LPO: variants seen among roughly 807,000 people sequenced by gnomAD.
LPO encodes the protein lactoperoxidase.
A neutral mutation model predicts 68.4 loss-of-function variants in LPO; 70 were observed. The ratio of observed to expected loss-of-function variants is 1.02; its 90% CI spans 0.84 to 1.25. The LOEUF (loss-of-function observed/expected upper bound fraction) is 1.25. LPO is among the 50% of genes most tolerant of loss of function. The pLI is 0.00. For missense variants in LPO, 873 were observed against 908.4 expected (o/e 0.96, Z 0.50); for synonymous variants, 360 against 357.6 (o/e 1.01, Z -0.08).
rs772131545 is a variant in LPO at position 58,249,670 on chromosome 17, C to T, written c.548C>T (p.Thr183Met). 2.5e-6 allele frequency: 4 copies of T among 1,579,810 alleles called. 1 individual carries two copies. The South Asian group carries it at 3.4e-5, about 13-fold the overall frequency. Residue 183 changes from threonine to methionine, a missense_variant, in exon 6 of 13, where the codon ACG becomes ATG. Transcript: ENST00000262290. ...SLPFGWTPGK[T>M]RNGFPLPLAR... The stretch of plus-strand genomic sequence containing the variant: ...CCCTTCGGCTGGACGCCGGGGAAGA[C>T]GCGCAACGGCTTCCCTCTCCCGCTG...
chr17:58,247,412 CT>C, intron 3 of LPO, 65 bp from the exon 4 acceptor site: 1 of 1,498,316 alleles, frequency 6.7e-7, no homozygotes, highest in Non-Finnish European at 9.1e-7. Flanking sequence ...CCTCCCACCC[CT>C]CCAGCGGCCC....
In LPO at chr17:58,247,604, A is replaced by C. The variant is rs1969876072; in HGVS notation, c.291A>C (p.Arg97Ser). The C allele has an allele frequency of 1.2e-6, 2 of 1,614,100 alleles. No individual in the cohort carries two copies. Among genetic ancestry groups the C allele is most frequent in the Non-Finnish European group, 1.7e-6 (2 of 1,179,998 alleles). The change falls in exon 4 of 13, where the codon AGA (arginine) becomes AGC (serine). Residue 97 changes from arginine to serine, a missense_variant. Coordinates refer to ENST00000262290, the MANE Select transcript of LPO (RefSeq NM_006151.3). ...AGGTGTGGGAGGAGTCTTTAAAGAG[A>C]CTGAGGCAGAAGGCATCCTTGACCA... ...NGQVWEESLK[R>S]LRQKASLTNV... is the part of the protein sequence containing the mutation.
At position 58,250,482 on chromosome 17, in the gene LPO, C is replaced by G. The variant is rs1284062986; in HGVS notation, c.641C>G (p.Ser214Cys). The change falls in exon 7 of 13, where the codon TCC becomes TGC. Residue 214 changes from serine (S) to cysteine (C), a missense_variant. Transcript: ENST00000262290. Reference protein sequence around the residue: ...NEEGVLDQNRSLLFMQWGQIV... With the variant: ...NEEGVLDQNRCLLFMQWGQIV... Reference sequence around the variant, plus strand: ...GAGGGTGTTCTGGACCAAAACAGGTCCCTGCTCTTCATGCAGTGGGGTCAG... The same window carrying G: ...GAGGGTGTTCTGGACCAAAACAGGTGCCTGCTCTTCATGCAGTGGGGTCAG... The G allele has an allele frequency of 1.9e-6, 3 of 1,614,046 alleles. No homozygotes were observed. In the Admixed American group the frequency reaches 5.0e-5, roughly 27 times the overall value.
intron 8 of LPO, among the ~76,000 whole-genome samples, chr17:58,254,152 T>TAGATAGATAGATAG (rs1970020743): frequency 5.3e-5 from 7 of 133,322 alleles, no homozygotes; most frequent in Non-Finnish European, 4.8e-5. Context: ...TATATAGATA[T>TAGATAGATAGATAG]ATAGATAGAT....
chr17:58,267,367 C>A lies in LPO; in HGVS notation c.1712C>A (p.Ala571Asp), dbSNP rs1970287941. ...ACCCTAGGGTACAATTCCTGGAGAG[C>A]CTTCTGTGACCTCTCACAGCCGCAG... ...HGQPGYNSWR[A>D]FCDLSQPQTL... is the part of the protein sequence containing the mutation. The change falls in exon 12 of 13, where the codon GCC becomes GAC. Residue 571 changes from alanine to aspartate, a missense_variant. Coordinates refer to ENST00000262290, the MANE Select transcript of LPO (RefSeq NM_006151.3). 3 of 1,613,956 alleles carry A rather than the reference C, an allele frequency of 1.9e-6. No homozygotes were observed. Among genetic ancestry groups the A allele is most frequent in the Admixed American group, 1.7e-5 (1 of 60,008 alleles).
At chr17:58,243,609 G>A (rs146912449) in intron 2 of LPO, 7 of 281,140 alleles carry the variant, frequency 2.5e-5, no homozygotes, top group Admixed American at 4.8e-5. Context: ...CCTTCTGTAC[G>A]TCAGGGTCCT....
chr17:58,245,800 G>C (rs533750319), intron 3 of LPO, among the ~76,000 whole-genome samples: 2 of 152,210 alleles, frequency 1.3e-5, no homozygotes, highest in East Asian at 3.9e-4. Context: ...ATTCTCTCTC[G>C]CTCCTCAAAT....
Position 58,254,979 on chromosome 17 carries a change from G to A in LPO, c.1266+8G>A. Reference sequence around the variant, plus strand: ...CTGGGAGCCTTCGTGCAGGTAGGGAGTCCCAGGAGCACTGTCACCTGGTCC... The same window carrying A: ...CTGGGAGCCTTCGTGCAGGTAGGGAATCCCAGGAGCACTGTCACCTGGTCC... On this transcript the variant is annotated splice_region_variant and intron_variant, in intron 9 of 12. Transcript: ENST00000262290. The A allele has an allele frequency of 1.9e-6, 3 of 1,613,212 alleles. No individual in the cohort carries two copies. The highest frequency in any genetic ancestry group is 2.5e-6 in the Non-Finnish European group (3 of 1,179,484).
At chr17:58,249,844 G>A (rs942831453) in intron 6 of LPO, 149 bp downstream of exon 6, 8 of 1,246,492 alleles carry the variant, frequency 6.4e-6, no homozygotes, top group Non-Finnish European at 8.5e-6. Context: ...TTCCGCTAGA[G>A]GGCAGCAGAG....
chr17:58,261,509 G>A (rs1970175255), intron 9 of LPO, among the ~76,000 whole-genome samples: 1 of 150,810 alleles, frequency 6.6e-6, no homozygotes. Flanking sequence ...TGTTTGAAGC[G>A]AGTTTCTTTT....
At chr17:58,259,319 A>G (rs1196492831) in intron 9 of LPO, among the ~76,000 whole-genome samples, 1 of 152,154 alleles carries the variant, frequency 6.6e-6, no homozygotes, top group Non-Finnish European at 1.5e-5. Context: ...ATGGATGTCA[A>G]ATTGCTCCAG....
At chr17:58,248,565 C>T (rs1393156485) in intron 4 of LPO, among the ~76,000 whole-genome samples, 1 of 152,170 alleles carries the variant, frequency 6.6e-6, no homozygotes, top group Non-Finnish European at 1.5e-5. Flanking sequence ...TCACTCCTCC[C>T]ACAACCCTTG....
At chr17:58,246,063 T>C (rs771799357) in intron 3 of LPO, among the ~76,000 whole-genome samples, 1 of 151,944 alleles carries the variant, frequency 6.6e-6, no homozygotes, top group Non-Finnish European at 1.5e-5. Flanking sequence ...ATGAAGGAAA[T>C]AAACAGGGCA....
intron 4 of LPO, among the ~76,000 whole-genome samples, chr17:58,248,705 T>C (rs1173979980): frequency 6.6e-6 from 1 of 152,082 alleles, no homozygotes; most frequent in Non-Finnish European, 1.5e-5. Flanking sequence ...TACTAACATA[T>C]GCTTAACCTC....
chr17:58,246,831 G>A (rs1413190188), intron 3 of LPO, among the ~76,000 whole-genome samples: 2 of 152,180 alleles, frequency 1.3e-5, no homozygotes, highest in African/African-American at 2.4e-5. Context: ...GTACTGAATC[G>A]AACTGTAGAA....
intron 3 of LPO, among the ~76,000 whole-genome samples, chr17:58,245,237 C>G (rs1274195462): frequency 6.6e-6 from 1 of 152,158 alleles, no homozygotes; most frequent in East Asian, 1.9e-4. Flanking sequence ...GTCTCCTTCT[C>G]CCTCTTTCTG....
At position 58,247,784 on chromosome 17, in the gene LPO, A is replaced by G. The variant is rs8178319; in HGVS notation, c.325+146A>G. ...CTCTCCCTTCTTAGACCCGTAGACG[A>G]GACTGGCAGAGCAAGGAAGGTCTTA... On this transcript the variant is annotated intron_variant, in intron 4 of 12. Coordinates refer to ENST00000262290, the MANE Select transcript of LPO (RefSeq NM_006151.3). 5,482 of 911,460 alleles carry G rather than the reference A, an allele frequency of 6.0e-3. 228 individuals are homozygous for G. The African/African-American group carries it at 0.082, about 14-fold the overall frequency. 56.5% of individuals were successfully genotyped at this position (911,460 alleles called of 1,614,324 possible).
At chr17:58,255,086 C>T in intron 9 of LPO, 115 bp downstream of exon 9, 1 of 1,057,522 alleles carries the variant, frequency 9.5e-7, no homozygotes. Flanking sequence ...CCTCCGTTTC[C>T]CCCGGCCCCT....
rs8178410 is a variant in LPO at position 58,267,596 on chromosome 17, T to C, written c.1931+10T>C. ...TCCGTGATGGAGACAGGCAAGTGCG[T>C]CCTCAGCCAGGGAGGGAAGGGCAGG... On this transcript the variant is annotated intron_variant, in intron 12 of 12. Coordinates refer to ENST00000262290, the MANE Select transcript of LPO (RefSeq NM_006151.3). The C allele has an allele frequency of 4.4e-3, 7,099 of 1,597,650 alleles. 270 individuals are homozygous for C. In the African/African-American group the frequency reaches 0.083, roughly 19 times the overall value.
Sources: gnomAD v4.1 joint callset for allele counts (sites outside exome capture counted in the v4.1 genomes callset) on GRCh38, gnomAD v4.1.1 for gene constraint, MANE v1.5 for transcripts, NCBI Gene and HGNC (gene_info 2026-07-23, HGNC 2026-07-21) for gene names.